The following DNAH10 variants were observed in gnomAD, a reference collection of about 807,000 sequenced individuals.
The protein encoded by DNAH10 is axonemal beta dynein heavy chain 10.
DNAH10 carries 348 observed loss-of-function variants against 506.6 expected under a neutral mutation model. The observed-to-expected ratio is 0.69, with a 90% CI of 0.63 to 0.75. The LOEUF (loss-of-function observed/expected upper bound fraction) is 0.75, where lower values mean the gene tolerates loss of function less well. Among genes scored for constraint, DNAH10 ranks in the 30% least tolerant of loss-of-function variants. DNAH10 has a pLI of 0.00. For missense variants in DNAH10, 5,179 were observed against 5,787.1 expected, an observed-to-expected ratio of 0.89 and a Z score of 3.41; for synonymous variants, 2,059 against 2,198.6, an observed-to-expected ratio of 0.94 and a Z score of 1.78.
In DNAH10 at chr12:123,787,745, G is replaced by A. The variant is rs986154223; in HGVS notation, c.1422-59G>A. 74 of 1,567,374 alleles carry A rather than the reference G, an allele frequency of 4.7e-5. No homozygotes were observed. The highest frequency in any genetic ancestry group is 6.1e-5 in the Non-Finnish European group (70 of 1,154,226). On this transcript the variant is annotated intron_variant, in intron 9 of 78. Transcript: ENST00000673944. The surrounding 1 kb of genome is among the most constrained non-coding windows in gnomAD (Gnocchi z 4.6). ...GGGACACTGGCTCCCCAGCCGGGGA[G>A]TGCGGCTCGGACCCGGAGCTCCGCC...
intron 19 of DNAH10, among the ~76,000 whole-genome samples, chr12:123,811,374 G>A (rs1285964227): frequency 6.6e-6 from 1 of 151,360 alleles, no homozygotes; most frequent in Non-Finnish European, 1.5e-5. Flanking sequence ...CCAGGCTGAA[G>A]TGCAGTGTTG....
At position 123,929,765 on chromosome 12, in the gene DNAH10, G is replaced by A; in HGVS notation, c.12612+6G>A. ...TCAAGTACCTAATTGGAGAGGTAGGGGTGACCGGGGATCCTTCCGCAGGTG... is the reference window on the plus strand; with the variant it reads ...TCAAGTACCTAATTGGAGAGGTAGGAGTGACCGGGGATCCTTCCGCAGGTG... On this transcript the variant is annotated splice_donor_region_variant and intron_variant, in intron 72 of 78. Coordinates refer to ENST00000673944, the MANE Select transcript of DNAH10 (RefSeq NM_001372106.1). The A allele has an allele frequency of 6.2e-7, 1 of 1,608,564 alleles. No homozygotes were observed. Among genetic ancestry groups the A allele is most frequent in the Non-Finnish European group, 8.5e-7 (1 of 1,177,660 alleles).
At chr12:123,780,055 G>T (rs1593997820) in intron 5 of DNAH10, among the ~76,000 whole-genome samples, 4 of 151,992 alleles carry the variant, frequency 2.6e-5, no homozygotes, top group Non-Finnish European at 1.5e-5. Flanking sequence ...ATGTCCTCAA[G>T]AACTTAATTT....
At chr12:123,793,830 T>C (rs1248384074) in intron 11 of DNAH10, 112 bp from the exon 12 acceptor site, 3 of 835,394 alleles carry the variant, frequency 3.6e-6, no homozygotes, top group African/African-American at 1.8e-5. Context: ...CCATTACTTA[T>C]GCCATAGAAA....
chr12:123,841,556 G>A lies in DNAH10; in HGVS notation c.5360+11G>A, dbSNP rs771344249. 1.3e-5 allele frequency: 21 copies of A among 1,610,388 alleles called. No homozygotes were observed. The highest frequency in any genetic ancestry group is 3.3e-5 in the South Asian group (3 of 90,958). ...TGAAGACAGAAGCAGGTAAGGCTGC[G>A]AATGTGGACATGCATTGCTCTATCC... On this transcript the variant is annotated intron_variant, in intron 30 of 78. Coordinates refer to ENST00000673944, the MANE Select transcript of DNAH10 (RefSeq NM_001372106.1).
intron 77 of DNAH10, chr12:123,934,139 G>A: frequency 1.5e-6 from 1 of 658,666 alleles, no homozygotes; most frequent in Non-Finnish European, 2.8e-6. Flanking sequence ...CTCTCTCTGG[G>A]GCCACAGGAG....
At chr12:123,801,569 G>T (rs1368934936) in intron 16 of DNAH10, 137 bp downstream of exon 16, 14 of 1,118,594 alleles carry the variant, frequency 1.3e-5, no homozygotes, top group Non-Finnish European at 1.6e-5. Context: ...AATACAAGTT[G>T]CGGAACTTAG....
chr12:123,772,036 C>T (rs1467447437), intron 3 of DNAH10, among the ~76,000 whole-genome samples: 6 of 152,206 alleles, frequency 3.9e-5, no homozygotes, highest in African/African-American at 1.4e-4. Flanking sequence ...GCACTTAATT[C>T]TCCTGGTAGC....
Position 123,803,844 on chromosome 12 carries a change from T to C in DNAH10, c.2779+19T>C. The C allele has an allele frequency of 6.2e-7, 1 of 1,601,020 alleles. No individual in the cohort carries two copies. The highest frequency in any genetic ancestry group is 8.5e-7 in the Non-Finnish European group (1 of 1,176,848). ...CTCCCAGGTAGATCTGACTTCTGGGTTCTCCAGTTATGGAATTAATGAGAA... is the reference window on the plus strand; with the variant it reads ...CTCCCAGGTAGATCTGACTTCTGGGCTCTCCAGTTATGGAATTAATGAGAA... On this transcript the variant is annotated intron_variant, in intron 17 of 78. Coordinates refer to ENST00000673944, the MANE Select transcript of DNAH10 (RefSeq NM_001372106.1).
chr12:123,932,250 T>C (rs1955249426), intron 76 of DNAH10, 142 bp downstream of exon 76: 1 of 1,024,550 alleles, frequency 9.8e-7, no homozygotes, highest in African/African-American at 1.6e-5. Flanking sequence ...GGTCTGAGAT[T>C]CTTACAAGCC....
At position 123,772,827 on chromosome 12, in the gene DNAH10, G is replaced by A. The variant is rs530464239; in HGVS notation, c.397-7G>A. The A allele has an allele frequency of 8.2e-6, 13 of 1,589,742 alleles. No individual in the cohort carries two copies. The African/African-American group carries it at 1.4e-4, about 17-fold the overall frequency. ...AGAATGAATGGTTTTTGTTCCCCAT[G>A]TTTCAGAGAACTGCGAAGCACATCA... On this transcript the variant is annotated splice_region_variant and splice_polypyrimidine_tract_variant and intron_variant, in intron 3 of 78. Transcript: ENST00000673944.
At chr12:123,876,489 C>T (rs56408511) in intron 47 of DNAH10, among the ~76,000 whole-genome samples, 5,070 of 151,918 alleles carry the variant, frequency 0.033, 246 homozygotes, top group African/African-American at 0.11. Context: ...AAAAATTAGC[C>T]GGGTGTGGTG....
chr12:123,805,787 T>G (rs76827368), intron 18 of DNAH10, among the ~76,000 whole-genome samples: 1 of 151,048 alleles, frequency 6.6e-6, no homozygotes. Context: ...TTTTTTTTTT[T>G]TTTGTTTGAG....
chr12:123,879,557 G>A (rs1952410396), intron 49 of DNAH10, 77 bp from the exon 50 acceptor site: 9 of 1,576,720 alleles, frequency 5.7e-6, no homozygotes, highest in East Asian at 2.2e-5. Context: ...ATAATAGTAC[G>A]TATCCTCTGC....
At chr12:123,769,230 C>T (rs1957160241) in intron 2 of DNAH10, among the ~76,000 whole-genome samples, 1 of 139,722 alleles carries the variant, frequency 7.2e-6, no homozygotes, top group South Asian at 2.2e-4. Flanking sequence ...GCTGCAACCT[C>T]CTCCTCCTGG....
In DNAH10 at chr12:123,899,490, C is replaced by T. The variant is rs540061801; in HGVS notation, c.9640+676C>T. Reference sequence around the variant, plus strand: ...TGTTCGTGTTGCTGCTAAGTGTCATCTCGGTTCAGTTCCTTTGTCATTGCA... The same window carrying T: ...TGTTCGTGTTGCTGCTAAGTGTCATTTCGGTTCAGTTCCTTTGTCATTGCA... On this transcript the variant is annotated intron_variant, in intron 56 of 78. Coordinates refer to ENST00000673944, the MANE Select transcript of DNAH10 (RefSeq NM_001372106.1). Among the ~76,000 whole-genome samples the T allele has an allele frequency of 1.7e-3, 264 of 152,310 alleles. 2 individuals are homozygous for T. In the South Asian group the frequency reaches 0.028, roughly 16 times the overall value.
intron 51 of DNAH10, 188 bp downstream of exon 51, chr12:123,882,001 A>G (rs77574752): frequency 0.048 from 22,631 of 467,378 alleles, 691 homozygotes; most frequent in Non-Finnish European, 0.06. Flanking sequence ...TTAACTGAAT[A>G]GCCAGAGCAT....
chr12:123,789,761 T>A (rs1958008491), intron 10 of DNAH10, among the ~76,000 whole-genome samples, 166 bp from the exon 11 acceptor site: 1 of 152,104 alleles, frequency 6.6e-6, no homozygotes, highest in African/African-American at 2.4e-5. Context: ...CTGGATCTTA[T>A]CCTATGTGCC....
intron 39 of DNAH10, among the ~76,000 whole-genome samples, chr12:123,861,891 G>C (rs1363570126): frequency 6.6e-6 from 1 of 152,224 alleles, no homozygotes; most frequent in Non-Finnish European, 1.5e-5. Context: ...ATGAACCCAG[G>C]ATTCCACGCT....
Sources: gnomAD v4.1 joint callset for allele counts (sites outside exome capture counted in the v4.1 genomes callset) on GRCh38, gnomAD v4.1.1 for gene constraint, Gnocchi (gnomAD v3.1) non-coding constraint, MANE v1.5 for transcripts, NCBI Gene and HGNC (gene_info 2026-07-23, HGNC 2026-07-21) for gene names.